PHF14: variants seen among roughly 807,000 people sequenced by gnomAD.
The protein encoded by PHF14 is PHD finger protein 14.
Under a neutral mutation model 117.9 loss-of-function variants are expected in PHF14, and 55 were observed. That is an observed-to-expected ratio of 0.47 (90% CI 0.38 to 0.58). The LOEUF is 0.58. Ranked by LOEUF, PHF14 falls within the 20% of genes least tolerant of loss-of-function variation. The probability of loss-of-function intolerance (pLI) is 0.00; values close to 1 mark genes in which losing one functional copy is unlikely to be tolerated. For synonymous variants in PHF14, 409 were observed against 368.6 expected (o/e 1.11, Z -1.26); for missense variants, 978 against 1,122.2 (o/e 0.87, Z 1.84).
chr7:11,002,068 A>G (rs995345808), intron 4 of PHF14, among the ~76,000 whole-genome samples: 4 of 151,972 alleles, frequency 2.6e-5, no homozygotes, highest in Non-Finnish European at 4.4e-5. Flanking sequence ...GTTTTGAGAC[A>G]GAGTCTCACT....
intron 13 of PHF14, among the ~76,000 whole-genome samples, chr7:11,045,076 TGTG>T (rs1260931230): frequency 6.6e-6 from 1 of 152,182 alleles, no homozygotes; most frequent in African/African-American, 2.4e-5. Context: ...TCCTACATTC[TGTG>T]ATGCCATGTT....
intron 6 of PHF14, among the ~76,000 whole-genome samples, chr7:11,027,659 G>A (rs1783971887): frequency 6.6e-6 from 1 of 151,944 alleles, no homozygotes; most frequent in Non-Finnish European, 1.5e-5. Flanking sequence ...TGACTGTGTT[G>A]TATATTACTA....
intron 17 of PHF14, among the ~76,000 whole-genome samples, chr7:11,149,774 C>T (rs865856133): frequency 6.6e-6 from 1 of 151,650 alleles, no homozygotes; most frequent in Admixed American, 6.6e-5. Context: ...TAGAGATTCT[C>T]ACTGAATTAT....
chr7:11,007,343 C>A (rs1231877827), intron 4 of PHF14, among the ~76,000 whole-genome samples: 1 of 151,858 alleles, frequency 6.6e-6, no homozygotes, highest in African/African-American at 2.4e-5. Context: ...TGTTTTCCAT[C>A]CTGTTCTGTA....
intron 16 of PHF14, among the ~76,000 whole-genome samples, chr7:11,073,025 G>A (rs987184174): frequency 2.0e-5 from 3 of 152,108 alleles, no homozygotes; most frequent in Non-Finnish European, 4.4e-5. Flanking sequence ...CTCCAATATT[G>A]GAGATCACAT....
intron 17 of PHF14, among the ~76,000 whole-genome samples, chr7:11,146,618 T>C (rs1415080471): frequency 2.0e-5 from 3 of 152,194 alleles, no homozygotes; most frequent in African/African-American, 7.2e-5. Flanking sequence ...TATCTATCTA[T>C]GGTTGGGGAT....
intron 17 of PHF14, among the ~76,000 whole-genome samples, chr7:11,138,922 T>C (rs1003974586): frequency 2.6e-5 from 4 of 152,218 alleles, no homozygotes; most frequent in Non-Finnish European, 4.4e-5. Context: ...TTTCCTATGT[T>C]GGTAGCTTGG....
intron 16 of PHF14, among the ~76,000 whole-genome samples, chr7:11,091,683 G>A (rs1833011): frequency 0.48 from 73,449 of 151,878 alleles, 18,430 homozygotes; most frequent in East Asian, 0.85. Context: ...ACCTGAACCC[G>A]GGAGGCAGAG....
chr7:11,095,186 C>A (rs1786798228), intron 16 of PHF14, among the ~76,000 whole-genome samples: 1 of 152,084 alleles, frequency 6.6e-6, no homozygotes, highest in South Asian at 2.1e-4. Context: ...CAACCATATG[C>A]CAAGCATTAT....
intron 5 of PHF14, among the ~76,000 whole-genome samples, chr7:11,022,402 A>G (rs1207613725): frequency 6.6e-6 from 1 of 152,192 alleles, no homozygotes; most frequent in East Asian, 1.9e-4. Context: ...GCTTTTGGAA[A>G]AGAGTAATAA....
intron 4 of PHF14, among the ~76,000 whole-genome samples, chr7:11,003,265 C>T (rs530161042): frequency 2.0e-5 from 3 of 152,152 alleles, no homozygotes; most frequent in East Asian, 1.9e-4. Flanking sequence ...ATAAAGTTCA[C>T]GCTAATAGCA....
At chr7:11,065,520 T>G (rs1785394451) in intron 16 of PHF14, among the ~76,000 whole-genome samples, 1 of 152,164 alleles carries the variant, frequency 6.6e-6, no homozygotes, top group South Asian at 2.1e-4. Flanking sequence ...TAGAGCAAAT[T>G]GAGTCACAAA....
intron 16 of PHF14, among the ~76,000 whole-genome samples, chr7:11,065,542 G>A (rs560887265): frequency 4.8e-4 from 73 of 152,214 alleles, no homozygotes; most frequent in Non-Finnish European, 7.1e-4. Flanking sequence ...TATAATGTTT[G>A]ATGAAGGTAT....
intron 17 of PHF14, among the ~76,000 whole-genome samples, chr7:11,119,595 A>G (rs920009148): frequency 6.6e-6 from 1 of 151,916 alleles, no homozygotes; most frequent in African/African-American, 2.4e-5. Flanking sequence ...CCTGGCTTCA[A>G]AAAAACAAAG....
chr7:11,164,585 T>G (rs1789145840), intron 17 of PHF14, among the ~76,000 whole-genome samples: 1 of 152,234 alleles, frequency 6.6e-6, no homozygotes, highest in Non-Finnish European at 1.5e-5. Flanking sequence ...TTTAGGAAAC[T>G]TTCATTAGGT....
chr7:11,110,495 A>T (rs981036054), intron 16 of PHF14: 1 of 965,134 alleles, frequency 1.0e-6, no homozygotes. Flanking sequence ...AAGCACTGAA[A>T]TAATACAGAT....
At chr7:11,063,034 TACTTC>T (rs1310049856) in intron 16 of PHF14, 3 of 776,778 alleles carry the variant, frequency 3.9e-6, no homozygotes, top group Non-Finnish European at 4.6e-6. Context: ...TTTAAATACT[TACTTC>T]CAAATGATTT....
At chr7:11,126,006 G>A (rs189199370) in intron 17 of PHF14, among the ~76,000 whole-genome samples, 1 of 152,140 alleles carries the variant, frequency 6.6e-6, no homozygotes. Context: ...GCACTTGTCA[G>A]CAATGTGTTC....
chr7:10,994,630 G>C (rs555759926), intron 4 of PHF14, among the ~76,000 whole-genome samples: 2 of 152,214 alleles, frequency 1.3e-5, no homozygotes, highest in South Asian at 4.1e-4. Context: ...GTGGGTTCTT[G>C]GTTTCACTAA....
Sources: gnomAD v4.1 joint callset for allele counts (sites outside exome capture counted in the v4.1 genomes callset) on GRCh38, gnomAD v4.1.1 for gene constraint, MANE v1.5 for transcripts, NCBI Gene and HGNC (gene_info 2026-07-23, HGNC 2026-07-21) for gene names.